Variants in SEMA6D observed in about 807,000 individuals in gnomAD.
SEMA6D encodes the protein semaphorin-6D.
Under a neutral mutation model 106.6 loss-of-function variants are expected in SEMA6D, and 35 were observed. The observed-to-expected ratio is 0.33, with a 90% CI of 0.25 to 0.44. The LOEUF is 0.44. SEMA6D is among the 20% of genes least tolerant of loss of function. The pLI is 1.00. For missense variants in SEMA6D, 1,185 were observed against 1,345.9 expected (o/e 0.88, Z 1.87); for synonymous variants, 499 against 487.7 (o/e 1.02, Z -0.31).
At chr15:47,630,368 TAGG>T (rs1179697149) in intron 4 of SEMA6D, among the ~76,000 whole-genome samples, 3 of 151,946 alleles carry the variant, frequency 2.0e-5, no homozygotes, top group Non-Finnish European at 4.4e-5. Context: ...TTTATTTTCT[TAGG>T]AGTGATTATA....
rs2082727526 is a variant in SEMA6D at position 47,773,669 on chromosome 15, A to T, written c.*1884A>T. Reference sequence around the variant, plus strand: ...TCTTTTTTTTAAAGAACATTGTTTTATAAAGAACGTGATTTCCAGTGATCT... The same window carrying T: ...TCTTTTTTTTAAAGAACATTGTTTTTTAAAGAACGTGATTTCCAGTGATCT... On this transcript the variant is annotated 3_prime_UTR_variant, in exon 19 of 19. Transcript: ENST00000536845. 2.0e-5 allele frequency: 3 copies of T among 152,648 alleles called. No homozygotes were observed. The highest frequency in any genetic ancestry group is 4.4e-5 in the Non-Finnish European group (3 of 68,036). The allele number at this position is 152,648 out of a possible 1,614,324, so 9.5% of individuals were successfully genotyped here.
At chr15:47,467,298 C>G (rs1026487169) in intron 2 of SEMA6D, among the ~76,000 whole-genome samples, 5 of 152,064 alleles carry the variant, frequency 3.3e-5, no homozygotes, top group African/African-American at 1.2e-4. Context: ...GTTTCATAGA[C>G]CAGTTATCAT....
At position 47,770,724 on chromosome 15, in the gene SEMA6D, T is replaced by C. The variant is rs139755833; in HGVS notation, c.2161T>C (p.Phe721Leu). The C allele has an allele frequency of 3.0e-5, 49 of 1,614,098 alleles. No individual in the cohort carries two copies. In the African/African-American group the frequency reaches 6.1e-4, roughly 20 times the overall value. ...AAGTTTTGCCAAACTGAATGGTCTCTTTGACAGCCCTGTCAAGGAATACCA... is the reference window on the plus strand; with the variant it reads ...AAGTTTTGCCAAACTGAATGGTCTCCTTGACAGCCCTGTCAAGGAATACCA... ...SGSFAKLNGL[F>L]DSPVKEYQQN... The change falls in exon 19 of 19, where the codon TTT (phenylalanine) becomes CTT (leucine). Residue 721 changes from phenylalanine to leucine, a missense_variant. By Grantham distance (22) the Phe-to-Leu change is conservative (BLOSUM62 0). Around this residue, in one of 3 missense-constraint regions of SEMA6D, gnomAD observed 750 missense variants for 783.5 expected, o/e 0.96. Coordinates refer to ENST00000536845, the MANE Select transcript of SEMA6D (RefSeq NM_001358351.3).
intron 3 of SEMA6D, among the ~76,000 whole-genome samples, chr15:47,495,093 T>C (rs1194609795): frequency 6.6e-6 from 1 of 151,784 alleles, no homozygotes; most frequent in Admixed American, 6.6e-5. Flanking sequence ...CATGAGGGAC[T>C]AAGTTTCTGA....
chr15:47,574,053 A>G (rs1436655889), intron 3 of SEMA6D, among the ~76,000 whole-genome samples: 1 of 152,086 alleles, frequency 6.6e-6, no homozygotes, highest in Admixed American at 6.5e-5. Context: ...TTGTTATTTC[A>G]TAGGATCCAG....
intron 1 of SEMA6D, among the ~76,000 whole-genome samples, chr15:47,248,686 A>G (rs1158506346): frequency 2.6e-5 from 4 of 152,182 alleles, no homozygotes; most frequent in African/African-American, 9.7e-5. Context: ...GAGTTTTATT[A>G]TATTATTCCA....
At chr15:47,187,083 A>G (rs1259093772) in intron 1 of SEMA6D, among the ~76,000 whole-genome samples, 5 of 152,274 alleles carry the variant, frequency 3.3e-5, no homozygotes, top group South Asian at 2.1e-4. Context: ...TTACTCTTCC[A>G]CATGAAGAAT....
At chr15:47,723,683 T>G in intron 1 of SEMA6D, among the ~76,000 whole-genome samples, 1 of 150,384 alleles carries the variant, frequency 6.6e-6, no homozygotes, top group African/African-American at 2.5e-5. Context: ...TTTAATTCTC[T>G]CTCATGCATC....
At chr15:47,418,569 C>G (rs758922221) in intron 2 of SEMA6D, among the ~76,000 whole-genome samples, 20 of 151,848 alleles carry the variant, frequency 1.3e-4, no homozygotes, top group Admixed American at 2.6e-4. Flanking sequence ...AGGGCTATAC[C>G]CTCATAACCT....
intron 1 of SEMA6D, among the ~76,000 whole-genome samples, chr15:47,263,537 TA>T (rs1260646749): frequency 2.0e-5 from 3 of 151,868 alleles, no homozygotes; most frequent in Admixed American, 2.0e-4. Context: ...TATTAAAAAG[TA>T]AAAAAATAAT....
intron 2 of SEMA6D, among the ~76,000 whole-genome samples, chr15:47,448,354 A>G (rs2042089553): frequency 7.2e-6 from 1 of 139,330 alleles, no homozygotes; most frequent in African/African-American, 2.9e-5. Context: ...CCAAGACAGG[A>G]ATAGAAATTG....
At chr15:47,483,151 A>C (rs989241582) in intron 3 of SEMA6D, among the ~76,000 whole-genome samples, 17 of 152,184 alleles carry the variant, frequency 1.1e-4, no homozygotes, top group Admixed American at 1.1e-3. Context: ...ATTTGGAGTC[A>C]TTCATTTATA....
At chr15:47,720,934 C>T (rs1430872082) in intron 1 of SEMA6D, among the ~76,000 whole-genome samples, 1 of 152,140 alleles carries the variant, frequency 6.6e-6, no homozygotes. Flanking sequence ...TGAACTCTTT[C>T]CTTGTTATAT....
intron 3 of SEMA6D, among the ~76,000 whole-genome samples, chr15:47,486,313 A>T (rs117248013): frequency 6.6e-6 from 1 of 152,352 alleles, no homozygotes; most frequent in East Asian, 1.9e-4. Flanking sequence ...AAGCGGAACA[A>T]CAATGAAAGA....
intron 2 of SEMA6D, among the ~76,000 whole-genome samples, chr15:47,453,007 G>A (rs78346655): frequency 0.011 from 1,693 of 151,732 alleles, 31 homozygotes; most frequent in African/African-American, 0.039. Context: ...CTTCTCATTT[G>A]TAGTTCATTT....
At chr15:47,312,852 C>T (rs2036503292) in intron 1 of SEMA6D, among the ~76,000 whole-genome samples, 1 of 151,956 alleles carries the variant, frequency 6.6e-6, no homozygotes, top group African/African-American at 2.4e-5. Flanking sequence ...TATTTATATA[C>T]TTATAGCACA....
intron 3 of SEMA6D, among the ~76,000 whole-genome samples, chr15:47,480,267 G>A (rs1467247194): frequency 6.6e-6 from 1 of 151,950 alleles, no homozygotes; most frequent in East Asian, 1.9e-4. Flanking sequence ...TCTATCTCCA[G>A]ATTATTTTAG....
At chr15:47,429,763 T>TA (rs201040610) in intron 2 of SEMA6D, among the ~76,000 whole-genome samples, 23 of 151,750 alleles carry the variant, frequency 1.5e-4, no homozygotes, top group African/African-American at 4.8e-4. Context: ...AATATATATA[T>TA]TTTTTAAAAA....
At chr15:47,689,291 C>G (rs1470792096) in intron 4 of SEMA6D, among the ~76,000 whole-genome samples, 1 of 152,176 alleles carries the variant, frequency 6.6e-6, no homozygotes, top group African/African-American at 2.4e-5. Flanking sequence ...GTTTGATAAC[C>G]TGTTCAGAAA....
Sources: gnomAD v4.1 joint callset for allele counts (sites outside exome capture counted in the v4.1 genomes callset) on GRCh38, gnomAD v4.1.1 for gene constraint, gnomAD v4.1.1 regional missense constraint, MANE v1.5 for transcripts, NCBI Gene and HGNC (gene_info 2026-07-23, HGNC 2026-07-21) for gene names.